Variants in WDR27 observed in about 807,000 individuals in gnomAD.
The protein encoded by WDR27 is WD repeat-containing protein 27.
WDR27 carries 100 observed loss-of-function variants against 114.4 expected under a neutral mutation model. The ratio of observed to expected loss-of-function variants is 0.87; its 90% CI spans 0.74 to 1.03. The LOEUF (loss-of-function observed/expected upper bound fraction) is 1.03. Among genes scored for constraint, WDR27 ranks in the 50% least tolerant of loss-of-function variants. WDR27 has a pLI of 0.00. For missense variants in WDR27, 1,129 were observed against 1,092.9 expected (o/e 1.03, Z -0.47); for synonymous variants, 449 against 423.1 (o/e 1.06, Z -0.75).
At chr6:169,538,703 TACACACACAC>T (rs10644528) in intron 25 of WDR27, among the ~76,000 whole-genome samples, 247 of 143,948 alleles carry the variant, frequency 1.7e-3, no homozygotes, top group Middle Eastern at 3.5e-3. Context: ...CATACTGGAA[TACACACACAC>T]ACACACACAC....
intron 25 of WDR27, chr6:169,560,001 C>T (rs1276275588): frequency 6.6e-6 from 1 of 152,200 alleles, no homozygotes; most frequent in Non-Finnish European, 1.5e-5. Flanking sequence ...AGGATGGTGA[C>T]TGTGACACAG....
intron 25 of WDR27, among the ~76,000 whole-genome samples, chr6:169,490,012 T>C (rs1583740014): frequency 6.6e-6 from 1 of 152,220 alleles, no homozygotes; most frequent in Non-Finnish European, 1.5e-5. Context: ...GACAAAGAAG[T>C]TGGCCTGGGG....
chr6:169,450,068 T>C, the WDR27 span, among the ~76,000 whole-genome samples: 2 of 152,240 alleles, frequency 1.3e-5, no homozygotes, highest in African/African-American at 4.8e-5. Context: ...TTTGCAATTA[T>C]ACCAATGAAA....
intron 25 of WDR27, among the ~76,000 whole-genome samples, chr6:169,506,140 C>G (rs1409981930): frequency 1.3e-5 from 2 of 152,218 alleles, no homozygotes; most frequent in Non-Finnish European, 2.9e-5. Flanking sequence ...AAATTAAACA[C>G]TGCAACTTTA....
chr6:169,693,046 T>C (rs1457077001), intron 1 of WDR27, among the ~76,000 whole-genome samples: 1 of 152,208 alleles, frequency 6.6e-6, no homozygotes, highest in African/African-American at 2.4e-5. Context: ...GTCATCTGGT[T>C]ATCTAAAGTC....
intron 25 of WDR27, among the ~76,000 whole-genome samples, chr6:169,543,822 A>T (rs1003007039): frequency 3.3e-5 from 5 of 152,234 alleles, no homozygotes; most frequent in African/African-American, 9.6e-5. Flanking sequence ...ATTTTGAAGC[A>T]TTAAAATCTA....
chr6:169,470,387 C>A (rs1227295100), intron 25 of WDR27, among the ~76,000 whole-genome samples: 3 of 152,218 alleles, frequency 2.0e-5, no homozygotes, highest in Non-Finnish European at 4.4e-5. Flanking sequence ...AATGGCACTT[C>A]CACATTCGTA....
intron 22 of WDR27, among the ~76,000 whole-genome samples, chr6:169,603,608 T>C (rs554280856): frequency 7.9e-5 from 12 of 152,330 alleles, no homozygotes; most frequent in Non-Finnish European, 1.3e-4. Flanking sequence ...GAATACACCA[T>C]GAACATTTCC....
intron 23 of WDR27, among the ~76,000 whole-genome samples, chr6:169,594,314 T>C (rs1806354131): frequency 6.6e-6 from 1 of 152,238 alleles, no homozygotes; most frequent in Admixed American, 6.5e-5. Flanking sequence ...TATTTTAATG[T>C]ATTGAGCTTT....
chr6:169,620,544 C>T (rs150041044), intron 21 of WDR27, among the ~76,000 whole-genome samples: 7 of 152,304 alleles, frequency 4.6e-5, no homozygotes, highest in Admixed American at 2.6e-4. Flanking sequence ...AAGAATGTAA[C>T]CTTTTGCCTC....
At chr6:169,643,549 T>C in intron 17 of WDR27, 148 bp downstream of exon 17, 2 of 603,698 alleles carry the variant, frequency 3.3e-6, no homozygotes, top group Non-Finnish European at 5.7e-6. Flanking sequence ...AAGATCTCAG[T>C]AAATCTAGTT....
chr6:169,597,627 AT>A (rs1807066822), intron 23 of WDR27, among the ~76,000 whole-genome samples: 1 of 152,122 alleles, frequency 6.6e-6, no homozygotes, highest in African/African-American at 2.4e-5. Context: ...TCTAATATTC[AT>A]AGCCTCAGCC....
chr6:169,638,886 T>C (rs1420268363), intron 17 of WDR27, among the ~76,000 whole-genome samples: 5 of 152,214 alleles, frequency 3.3e-5, no homozygotes. Flanking sequence ...AGGCAGTTGC[T>C]CTAAAGCCTC....
intron 22 of WDR27, among the ~76,000 whole-genome samples, chr6:169,607,868 G>A (rs184413962): frequency 6.6e-6 from 1 of 152,218 alleles, no homozygotes; most frequent in African/African-American, 2.4e-5. Context: ...TAACTACACA[G>A]TCATGCATCA....
At chr6:169,496,289 G>A (rs144071975) in intron 25 of WDR27, among the ~76,000 whole-genome samples, 61 of 152,090 alleles carry the variant, frequency 4.0e-4, no homozygotes, top group African/African-American at 1.5e-3. Context: ...GAAATAGAAG[G>A]AAACTACCTC....
chr6:169,531,651 GTTTGTT>G (rs1484178063), intron 25 of WDR27, among the ~76,000 whole-genome samples: 4 of 96,664 alleles, frequency 4.1e-5, no homozygotes, highest in African/African-American at 1.8e-4. Context: ...ACATTAAACA[GTTTGTT>G]TTTTTTTTTT....
At chr6:169,452,556 CCGTGCGTGGGGT>C (rs1562434294), downstream of WDR27, among the ~76,000 whole-genome samples, 7 of 144,488 alleles carry the variant, frequency 4.8e-5, no homozygotes, top group East Asian at 1.5e-3. Flanking sequence ...CAGAGAGGAG[CCGTGCGTGGGGT>C]CAGAGAGGAG....
rs899819420 is a variant in WDR27 at position 169,576,218 on chromosome 6, T to A, written c.2524-3678A>T. On this transcript the variant is annotated intron_variant, in intron 24 of 25. Coordinates refer to ENST00000448612, the MANE Select transcript of WDR27 (RefSeq NM_182552.5). Reference sequence around the variant, plus strand: ...CCACCCACCCTCAGGGGACTCACTATCCACTCTGCTGGGCTGGGCTGGGCC... The same window carrying A: ...CCACCCACCCTCAGGGGACTCACTAACCACTCTGCTGGGCTGGGCTGGGCC... 3.9e-5 allele frequency among the ~76,000 whole-genome samples: 6 copies of A among 152,204 alleles called. No homozygotes were observed. In the South Asian group the frequency reaches 1.2e-3, roughly 32 times the overall value.
intron 25 of WDR27, among the ~76,000 whole-genome samples, chr6:169,496,630 G>A (rs80342967): frequency 0.018 from 2,730 of 152,116 alleles, 86 homozygotes; most frequent in African/African-American, 0.062. Context: ...ACTCAATTGC[G>A]TTTGAATATA....
Sources: allele counts gnomAD v4.1 joint callset (sites outside exome capture counted in the v4.1 genomes callset), GRCh38; gene constraint gnomAD v4.1.1; transcripts MANE v1.5; gene names NCBI Gene and HGNC (gene_info 2026-07-23, HGNC 2026-07-21).